Variants in NXPE2 observed in about 807,000 individuals in gnomAD.
NXPE2 encodes the protein neurexophilin and PC-esterase domain family member 2.
NXPE2 carries 34 observed loss-of-function variants against 34.4 expected under a neutral mutation model. That is an observed-to-expected ratio of 0.99 (90% confidence interval 0.75 to 1.31). The LOEUF is 1.31. NXPE2 is among the 40% of genes most tolerant of loss of function. NXPE2 has a pLI of 0.00. For synonymous variants in NXPE2, 235 were observed against 231.3 expected, an observed-to-expected ratio of 1.02 and a Z score of -0.15; for missense variants, 649 against 672.5, an observed-to-expected ratio of 0.97 and a Z score of 0.39.
the NXPE2 span, among the ~76,000 whole-genome samples, chr11:114,622,351 C>T: frequency 1.3e-5 from 2 of 152,060 alleles, no homozygotes; most frequent in African/African-American, 4.8e-5. Context: ...AGTGTTGCCT[C>T]GTGGGTAACC....
chr11:114,754,723 C>T, the NXPE2 span, among the ~76,000 whole-genome samples: 1 of 152,104 alleles, frequency 6.6e-6, no homozygotes, highest in African/African-American at 2.4e-5. Context: ...GGGGGTATAA[C>T]TGGTACATAT....
the NXPE2 span, among the ~76,000 whole-genome samples, chr11:114,475,226 G>GTTTTTTTTT: frequency 3.5e-3 from 311 of 88,026 alleles, 55 homozygotes; most frequent in Non-Finnish European, 5.4e-3. Context: ...AATGTGAACT[G>GTTTTTTTTT]TTTTTTTTTT....
the NXPE2 span, among the ~76,000 whole-genome samples, chr11:114,784,706 G>T: frequency 2.6e-5 from 4 of 152,258 alleles, no homozygotes; most frequent in Non-Finnish European, 5.9e-5. Flanking sequence ...GAGAGCATTT[G>T]TGTGGACCCA....
the NXPE2 span, among the ~76,000 whole-genome samples, chr11:114,512,343 A>G: frequency 2.0e-5 from 3 of 152,066 alleles, no homozygotes; most frequent in Admixed American, 2.0e-4. Flanking sequence ...ATTCCCAGCC[A>G]TGTTGTCTTC....
chr11:114,753,735 T>G, the NXPE2 span, among the ~76,000 whole-genome samples: 3 of 152,224 alleles, frequency 2.0e-5, no homozygotes, highest in Non-Finnish European at 2.9e-5. Flanking sequence ...TGTGCCAAAT[T>G]AAATCGTATT....
the NXPE2 span, among the ~76,000 whole-genome samples, chr11:114,484,457 T>A: frequency 6.6e-6 from 1 of 152,208 alleles, no homozygotes; most frequent in African/African-American, 2.4e-5. Context: ...CCCAAAGGGC[T>A]TTCCACCTTT....
At chr11:114,654,837 G>A in the NXPE2 span, among the ~76,000 whole-genome samples, 1 of 152,162 alleles carries the variant, frequency 6.6e-6, no homozygotes, top group East Asian at 1.9e-4. Flanking sequence ...TATATACCCA[G>A]TAATGGGATT....
the NXPE2 span, among the ~76,000 whole-genome samples, chr11:114,642,022 A>G: frequency 1.3e-5 from 2 of 152,088 alleles, no homozygotes; most frequent in African/African-American, 4.8e-5. Context: ...TAAAAAAGTA[A>G]TTATTCTCTG....
the NXPE2 span, among the ~76,000 whole-genome samples, chr11:114,662,333 A>C: frequency 2.0e-5 from 3 of 152,310 alleles, no homozygotes; most frequent in Non-Finnish European, 2.9e-5. Flanking sequence ...CCACCCACAG[A>C]TAGAGCATTT....
At chr11:114,795,443 C>T in the NXPE2 span, among the ~76,000 whole-genome samples, 1 of 152,194 alleles carries the variant, frequency 6.6e-6, no homozygotes, top group Non-Finnish European at 1.5e-5. Flanking sequence ...ATAATCCTAA[C>T]ACAATAGGAT....
the NXPE2 span, among the ~76,000 whole-genome samples, chr11:114,506,718 G>A: frequency 6.6e-6 from 1 of 152,124 alleles, no homozygotes; most frequent in East Asian, 1.9e-4. Flanking sequence ...GAATCTCTGG[G>A]ACACAGCTAA....
At chr11:114,768,837 A>G in the NXPE2 span, among the ~76,000 whole-genome samples, 2 of 152,176 alleles carry the variant, frequency 1.3e-5, no homozygotes, top group Non-Finnish European at 2.9e-5. Context: ...TAAATATACA[A>G]TCTAAAACCA....
the NXPE2 span, among the ~76,000 whole-genome samples, chr11:114,598,760 A>T: frequency 5.3e-5 from 8 of 152,198 alleles, no homozygotes; most frequent in African/African-American, 1.9e-4. Flanking sequence ...TGGCTCACAA[A>T]ACCATTCTTC....
the NXPE2 span, among the ~76,000 whole-genome samples, chr11:114,775,605 T>A: frequency 6.6e-6 from 1 of 152,082 alleles, no homozygotes; most frequent in Non-Finnish European, 1.5e-5. Flanking sequence ...CATGTAGGTG[T>A]CCCCCACGTG....
At chr11:114,643,340 A>C in the NXPE2 span, among the ~76,000 whole-genome samples, 3 of 151,944 alleles carry the variant, frequency 2.0e-5, no homozygotes, top group Non-Finnish European at 4.4e-5. Flanking sequence ...CCATGCCTAC[A>C]TCCTGAATGG....
At chr11:114,533,093 A>T in the NXPE2 span, among the ~76,000 whole-genome samples, 55 of 152,214 alleles carry the variant, frequency 3.6e-4, 1 homozygote, top group African/African-American at 1.3e-3. Context: ...ACAATAAAAT[A>T]AAACAAACAA....
chr11:114,643,558 G>C, the NXPE2 span, among the ~76,000 whole-genome samples: 1 of 152,084 alleles, frequency 6.6e-6, no homozygotes, highest in Non-Finnish European at 1.5e-5. Flanking sequence ...TCAAAGATCA[G>C]ATGGTTGTAG....
chr11:114,694,159 T>C (rs1253310613), intron 2 of NXPE2, among the ~76,000 whole-genome samples: 2 of 152,228 alleles, frequency 1.3e-5, no homozygotes, highest in Non-Finnish European at 2.9e-5. Context: ...TTAAAAACTC[T>C]CATGATTACA....
chr11:114,573,975 C>G, the NXPE2 span, among the ~76,000 whole-genome samples: 4 of 152,014 alleles, frequency 2.6e-5, no homozygotes, highest in Non-Finnish European at 4.4e-5. Context: ...AAACAAGTCT[C>G]AGTAAATTTA....
Sources: allele counts gnomAD v4.1 joint callset (sites outside exome capture counted in the v4.1 genomes callset), GRCh38; gene constraint gnomAD v4.1.1; transcripts MANE v1.5; gene names NCBI Gene and HGNC (gene_info 2026-07-23, HGNC 2026-07-21).